Variants in UST observed in about 807,000 individuals in gnomAD.
The protein encoded by UST is uronyl 2-sulfotransferase.
UST carries 21 observed loss-of-function variants against 45.6 expected under a neutral mutation model. The observed-to-expected ratio is 0.46, with a 90% CI of 0.33 to 0.66. UST has a LOEUF of 0.66. Ranked by LOEUF, UST falls within the 30% of genes least tolerant of loss-of-function variation. The probability of loss-of-function intolerance (pLI) is 0.02; values close to 1 mark genes in which losing one functional copy is unlikely to be tolerated. For missense variants in UST, 463 were observed against 512.4 expected (o/e 0.90, Z 0.93); for synonymous variants, 215 against 200.6 (o/e 1.07, Z -0.61).
intron 5 of UST, among the ~76,000 whole-genome samples, chr6:149,016,719 G>T (rs1775903016): frequency 6.6e-6 from 1 of 152,202 alleles, no homozygotes; most frequent in South Asian, 2.1e-4. Flanking sequence ...GCAGGACTCT[G>T]GGGGGCTGAC....
intron 7 of UST, among the ~76,000 whole-genome samples, chr6:149,042,680 C>T (rs1776331732): frequency 6.6e-6 from 1 of 152,206 alleles, no homozygotes; most frequent in Non-Finnish European, 1.5e-5. Context: ...TTTCCTCCTC[C>T]CCACAAACTA....
intron 1 of UST, among the ~76,000 whole-genome samples, chr6:148,825,187 A>G (rs1448241209): frequency 1.3e-5 from 2 of 152,128 alleles, no homozygotes; most frequent in Non-Finnish European, 2.9e-5. Flanking sequence ...CAGGCAGTGG[A>G]CACCAAAAGT....
At chr6:149,045,400 G>A (rs966050853) in intron 7 of UST, among the ~76,000 whole-genome samples, 1 of 152,184 alleles carries the variant, frequency 6.6e-6, no homozygotes, top group Non-Finnish European at 1.5e-5. Context: ...TCAATTTATT[G>A]TATTAGGTTG....
At chr6:148,798,876 A>ATTTG (rs1777000768) in intron 1 of UST, among the ~76,000 whole-genome samples, 1 of 151,568 alleles carries the variant, frequency 6.6e-6, no homozygotes, top group Non-Finnish European at 1.5e-5. Context: ...TTATTTATTT[A>ATTTG]TTTATTTATT....
chr6:148,921,177 CAG>C (rs1467991400), intron 2 of UST, among the ~76,000 whole-genome samples: 1 of 152,168 alleles, frequency 6.6e-6, no homozygotes, highest in Non-Finnish European at 1.5e-5. Flanking sequence ...AGACAGAATC[CAG>C]AGTCCCTGGG....
intron 1 of UST, among the ~76,000 whole-genome samples, chr6:148,780,342 G>A (rs924874406): frequency 2.6e-5 from 4 of 151,726 alleles, no homozygotes; most frequent in East Asian, 3.9e-4. Flanking sequence ...ATAGGTAAAC[G>A]CGTGTCATGG....
chr6:148,990,802 A>G (rs1316712733), intron 5 of UST, among the ~76,000 whole-genome samples: 1 of 152,246 alleles, frequency 6.6e-6, no homozygotes, highest in Non-Finnish European at 1.5e-5. Flanking sequence ...AGACATAAAT[A>G]TTGAAGAACA....
chr6:148,871,139 T>TCTCTCTCTCTCTCTCTCTCTCC (rs1304234198), intron 1 of UST, among the ~76,000 whole-genome samples: 5 of 149,446 alleles, frequency 3.3e-5, no homozygotes, highest in Admixed American at 6.7e-5. Context: ...TCTCTCTCTC[T>TCTCTCTCTCTCTCTCTCTCTCC]CTCTCTCCCT....
intron 1 of UST, among the ~76,000 whole-genome samples, chr6:148,784,018 C>G (rs1776691916): frequency 1.3e-5 from 2 of 152,162 alleles, no homozygotes; most frequent in Admixed American, 1.3e-4. Flanking sequence ...TCCCCAATGT[C>G]AGTGATTTCT....
chr6:148,897,292 C>T (rs377179486), intron 2 of UST, among the ~76,000 whole-genome samples: 41 of 152,064 alleles, frequency 2.7e-4, no homozygotes, highest in African/African-American at 9.9e-4. Flanking sequence ...CTCAGCCTCC[C>T]GAGTAGCTGG....
chr6:149,055,173 A>G (rs924989643), intron 7 of UST, among the ~76,000 whole-genome samples: 3 of 152,316 alleles, frequency 2.0e-5, no homozygotes, highest in Admixed American at 6.5e-5. Flanking sequence ...CAGCAAGTCG[A>G]TGTATGGTTT....
intron 7 of UST, among the ~76,000 whole-genome samples, chr6:149,042,959 CTTT>C (rs1413673211): frequency 2.8e-5 from 1 of 35,676 alleles, no homozygotes; most frequent in Non-Finnish European, 5.9e-5. Flanking sequence ...CCATCCTTTT[CTTT>C]CTTTCTTTCT....
chr6:148,747,653 C>T lies in UST; in HGVS notation c.223C>T (p.Leu75=), dbSNP rs1216219720. ...GCTCAGCGGGGGACCCCCTCGCTTC[C>T]TGCTCGACCTGCGGCAGTACTTGGG... ...YQLSGGPPRF[L]LDLRQYLGNS... The change falls in exon 1 of 8, where the codon CTG becomes TTG. Residue 75 remains leucine, a synonymous_variant. Coordinates refer to ENST00000367463, the MANE Select transcript of UST (RefSeq NM_005715.3). 1 of 1,599,722 alleles carries T rather than the reference C, an allele frequency of 6.3e-7. No homozygotes were observed. Among genetic ancestry groups the T allele is most frequent in the Admixed American group, 1.7e-5 (1 of 58,392 alleles).
At chr6:149,034,096 T>A (rs1456051073) in intron 7 of UST, among the ~76,000 whole-genome samples, 5 of 152,230 alleles carry the variant, frequency 3.3e-5, no homozygotes, top group African/African-American at 1.2e-4. Flanking sequence ...AAGATGGTCA[T>A]ACCCACATTT....
intron 1 of UST, among the ~76,000 whole-genome samples, chr6:148,768,511 A>G (rs1776360523): frequency 6.6e-6 from 1 of 151,994 alleles, no homozygotes; most frequent in Admixed American, 6.5e-5. Flanking sequence ...CTTTGCTTTT[A>G]GGCTTAGAAA....
intron 1 of UST, among the ~76,000 whole-genome samples, chr6:148,830,800 G>T (rs935263007): frequency 4.0e-5 from 6 of 148,178 alleles, no homozygotes; most frequent in African/African-American, 1.1e-4. Flanking sequence ...CCAGAGACAG[G>T]GGGGAGGAGG....
intron 1 of UST, among the ~76,000 whole-genome samples, chr6:148,751,440 A>G (rs910752132): frequency 7.2e-5 from 11 of 152,284 alleles, no homozygotes; most frequent in African/African-American, 2.6e-4. Flanking sequence ...GAAGGACGAG[A>G]ACAGAGCCAC....
At chr6:148,767,682 G>A (rs1006347928) in intron 1 of UST, among the ~76,000 whole-genome samples, 30 of 152,082 alleles carry the variant, frequency 2.0e-4, no homozygotes, top group African/African-American at 6.5e-4. Flanking sequence ...ACAATTTTAA[G>A]AATTAATTAA....
intron 5 of UST, among the ~76,000 whole-genome samples, chr6:149,014,016 A>G (rs1775858824): frequency 6.6e-6 from 1 of 152,262 alleles, no homozygotes; most frequent in Non-Finnish European, 1.5e-5. Flanking sequence ...GAGAGGAAGC[A>G]GTTGTCTAGT....
Sources: allele counts gnomAD v4.1 joint callset (sites outside exome capture counted in the v4.1 genomes callset), GRCh38; gene constraint gnomAD v4.1.1; transcripts MANE v1.5; gene names NCBI Gene and HGNC (gene_info 2026-07-23, HGNC 2026-07-21).